DHX29: variants seen among roughly 807,000 people sequenced by gnomAD.
DHX29 encodes DExH-box helicase 29, also known as ATP-dependent RNA helicase DHX29.
A neutral mutation model predicts 167.9 loss-of-function variants in DHX29; 79 were observed. That is an observed-to-expected ratio of 0.47 (90% CI 0.39 to 0.57). The LOEUF is 0.57. Ranked by LOEUF, DHX29 falls within the 20% of genes least tolerant of loss-of-function variation. The probability of loss-of-function intolerance (pLI) is 0.00; values close to 1 mark genes in which losing one functional copy is unlikely to be tolerated. For synonymous variants in DHX29, 530 were observed against 546.0 expected (o/e 0.97, Z 0.41); for missense variants, 1,347 against 1,593.4 (o/e 0.85, Z 2.63).
In DHX29 at chr5:55,307,389, T is replaced by C. The variant is rs753205599; in HGVS notation, c.185A>G (p.Gln62Arg). 1 of 1,612,740 alleles carries C rather than the reference T, an allele frequency of 6.2e-7. No homozygotes were observed. Among genetic ancestry groups the C allele is most frequent in the Non-Finnish European group, 8.5e-7 (1 of 1,179,514 alleles). ...AAGSREPRVK[Q>R]GPKIYSFNST... ...AGGGGCTGGGGGACCTCTCGTACCT[T>C]GCTTGACACGGGGCTCCCTGGAGCC... The change falls in exon 1 of 27, where the codon CAA (glutamine) becomes CGA (arginine). Residue 62 changes from glutamine to arginine, a missense_variant and splice_region_variant. By Grantham distance (43) the Gln-to-Arg change is conservative (BLOSUM62 1). Around this residue, in one of 3 missense-constraint regions of DHX29, gnomAD observed 405 missense variants for 416.8 expected, o/e 0.97. Coordinates refer to ENST00000251636, the MANE Select transcript of DHX29 (RefSeq NM_019030.4).
chr5:55,277,700 G>A (rs968711473), intron 12 of DHX29, among the ~76,000 whole-genome samples: 1 of 152,060 alleles, frequency 6.6e-6, no homozygotes, highest in African/African-American at 2.4e-5. Context: ...GACATCGGGA[G>A]TTTGAGACCA....
chr5:55,307,352 G>A (rs1158251200), intron 1 of DHX29, 35 bp downstream of exon 1: 1 of 1,588,858 alleles, frequency 6.3e-7, no homozygotes, highest in African/African-American at 1.3e-5. Flanking sequence ...CAAGGTCTCA[G>A]GGCAGACAGC....
chr5:55,306,261 G>A (rs749643195), intron 1 of DHX29, among the ~76,000 whole-genome samples: 2 of 152,084 alleles, frequency 1.3e-5, no homozygotes, highest in Non-Finnish European at 2.9e-5. Flanking sequence ...GATGCTTTAT[G>A]TTCTGTGAAT....
In DHX29 at chr5:55,307,515, ACGGCGG is replaced by A; in HGVS notation, c.53_58del (p.Ala18_Ala19del). On this transcript the variant is annotated inframe_deletion, in exon 1 of 27. Coordinates refer to ENST00000251636, the MANE Select transcript of DHX29 (RefSeq NM_019030.4). The stretch of plus-strand genomic sequence containing the variant: ...GGCAGATTTGGCTCTGGAAGCAGAC[ACGGCGG>A]CCCGGACCACCGCGGCCGCTGGAGC... The A allele has an allele frequency of 6.2e-7, 1 of 1,613,644 alleles. No homozygotes were observed. Among genetic ancestry groups the A allele is most frequent in the Non-Finnish European group, 8.5e-7 (1 of 1,179,952 alleles).
At chr5:55,289,761 T>C (rs1484654300) in intron 7 of DHX29, among the ~76,000 whole-genome samples, 1 of 152,212 alleles carries the variant, frequency 6.6e-6, no homozygotes, top group East Asian at 1.9e-4. Context: ...TTCACCTTTC[T>C]CTCTTGAATG....
At chr5:55,263,478 G>A (rs1746406066) in intron 23 of DHX29, among the ~76,000 whole-genome samples, 1 of 151,928 alleles carries the variant, frequency 6.6e-6, no homozygotes, top group East Asian at 1.9e-4. Flanking sequence ...GGAAGGGTGG[G>A]CATTTTTCAA....
chr5:55,285,254 C>A (rs1747657687), intron 10 of DHX29, 39 bp downstream of exon 10: 1 of 1,596,142 alleles, frequency 6.3e-7, no homozygotes, highest in Non-Finnish European at 8.5e-7. Context: ...TAAATACTGC[C>A]TTCCACATAC....
At chr5:55,267,875 T>A in intron 21 of DHX29, 53 bp from the exon 22 acceptor site, 3 of 1,390,854 alleles carry the variant, frequency 2.2e-6, no homozygotes, top group Non-Finnish European at 2.9e-6. Flanking sequence ...AGCAATACAG[T>A]GAAAGTTAAC....
Position 55,297,378 on chromosome 5 carries a change from T to C in DHX29, c.282A>G (p.Leu94=). ...SILKVVINNK[L]EQRIIGVINE... Reference sequence around the variant, plus strand: ...TGATCACTCCAATAATTCTTTGCTCTAGTTTGTTATTAATTACCACCTGTT... The same window carrying C: ...TGATCACTCCAATAATTCTTTGCTCCAGTTTGTTATTAATTACCACCTGTT... The change falls in exon 3 of 27, where the codon CTA becomes CTG. Residue 94 remains leucine (L), a synonymous_variant. Coordinates refer to ENST00000251636, the MANE Select transcript of DHX29 (RefSeq NM_019030.4). The C allele has an allele frequency of 6.6e-7, 1 of 1,508,198 alleles. No individual in the cohort carries two copies. Among genetic ancestry groups the C allele is most frequent in the East Asian group, 2.3e-5 (1 of 44,156 alleles). 93.4% of individuals were successfully genotyped at this position (1,508,198 alleles called of 1,614,324 possible).
intron 18 of DHX29, among the ~76,000 whole-genome samples, chr5:55,271,040 C>T (rs1746831677): frequency 6.6e-6 from 1 of 152,114 alleles, no homozygotes. Context: ...TTACTGTGAA[C>T]ATTACAATTC....
Position 55,268,717 on chromosome 5 carries a change from T to TGGCACAGTAAGCGTA in DHX29, c.3294+695_3294+696insTACGCTTACTGTGCC, listed in dbSNP as rs554606054. 1.3e-3 allele frequency among the ~76,000 whole-genome samples: 203 copies of TGGCACAGTAAGCGTA among 152,294 alleles called. 1 individual carries two copies. In the Middle Eastern group the frequency reaches 0.02, roughly 15 times the overall value. On this transcript the variant is annotated intron_variant, in intron 21 of 26. Coordinates refer to ENST00000251636, the MANE Select transcript of DHX29 (RefSeq NM_019030.4). ...CATAGCTTGATAAAGTTGTAAAGCT[T>TGGCACAGTAAGCGTA]TGTGCCCAGAGACTCAGACAGATTT...
intron 26 of DHX29, among the ~76,000 whole-genome samples, chr5:55,258,054 CTAGATCAGTAGCTCCCCCA>C (rs1746137324): frequency 6.6e-6 from 1 of 152,134 alleles, no homozygotes; most frequent in African/African-American, 2.4e-5. Flanking sequence ...GGTAGTAGAA[CTAGATCAGTAGCTCCCCCA>C]ACTTGCCTGT....
intron 5 of DHX29, chr5:55,295,110 T>C: frequency 3.4e-6 from 1 of 297,522 alleles, no homozygotes; most frequent in Non-Finnish European, 6.2e-6. Context: ...GTTCCAGCCT[T>C]GGAAGATACT....
At chr5:55,267,307 C>T in intron 22 of DHX29, 76 bp from the exon 23 acceptor site, 2 of 1,059,624 alleles carry the variant, frequency 1.9e-6, no homozygotes, top group Non-Finnish European at 2.8e-6. Flanking sequence ...GAGCTAGTAA[C>T]CAAAGTAAGA....
intron 17 of DHX29, among the ~76,000 whole-genome samples, chr5:55,272,417 A>T (rs190283976): frequency 1.8e-4 from 28 of 152,224 alleles, no homozygotes; most frequent in Non-Finnish European, 1.2e-4. Flanking sequence ...CACTCCCCTA[A>T]TTCTAGTCAA....
At chr5:55,305,196 TAACTATCAAA>T (rs1259318203) in intron 1 of DHX29, among the ~76,000 whole-genome samples, 1 of 151,816 alleles carries the variant, frequency 6.6e-6, no homozygotes, top group African/African-American at 2.4e-5. Context: ...AGGCAAGAAC[TAACTATCAAA>T]AAGAATGATT....
intron 1 of DHX29, among the ~76,000 whole-genome samples, chr5:55,300,083 T>A (rs994949515): frequency 6.6e-6 from 1 of 152,278 alleles, no homozygotes; most frequent in South Asian, 2.1e-4. Flanking sequence ...CCAAAAATAA[T>A]AAATCTGGCC....
At chr5:55,281,880 G>T (rs1240414994) in intron 11 of DHX29, among the ~76,000 whole-genome samples, 1 of 151,424 alleles carries the variant, frequency 6.6e-6, no homozygotes, top group Non-Finnish European at 1.5e-5. Flanking sequence ...CCACCTCTTG[G>T]GTTCAAGCGA....
In DHX29 at chr5:55,285,782, A is replaced by T. The variant is rs1239079371; in HGVS notation, c.1146T>A (p.Phe382Leu). The T allele has an allele frequency of 6.2e-7, 1 of 1,604,886 alleles. No homozygotes were observed. The highest frequency in any genetic ancestry group is 1.1e-5 in the South Asian group (1 of 89,902). The change falls in exon 9 of 27, where the codon TTT becomes TTA. Residue 382 changes from phenylalanine to leucine, a missense_variant. By Grantham distance (22) the Phe-to-Leu change is conservative (BLOSUM62 0). This residue lies in a region of DHX29 where 60 missense variants were observed against 94.2 expected (regional missense o/e 0.64). Transcript: ENST00000251636. ...RSWTGKSPKQ[F>L]LIDWVRKNLP... ...GATTCTTCCTGACCCAATCAATCAG[A>T]AATTGTTTGGGAGATTTTCCAGTCC...
Sources: allele counts gnomAD v4.1 joint callset (sites outside exome capture counted in the v4.1 genomes callset), GRCh38; gene constraint gnomAD v4.1.1; regional missense constraint gnomAD v4.1.1; transcripts MANE v1.5; gene names NCBI Gene and HGNC (gene_info 2026-07-23, HGNC 2026-07-21).